ST6GALNAC3: variants seen among roughly 807,000 people sequenced by gnomAD.
ST6GALNAC3 encodes alpha-N-acetylgalactosaminide alpha-2,6-sialyltransferase 3.
In ST6GALNAC3, 25 loss-of-function variants were observed where a neutral mutation model predicts 32.7. That is an observed-to-expected ratio of 0.76 (90% CI 0.56 to 1.07). The LOEUF (loss-of-function observed/expected upper bound fraction) is 1.07, where lower values mean the gene tolerates loss of function less well. Among genes scored for constraint, ST6GALNAC3 ranks in the 50% least tolerant of loss-of-function variants. ST6GALNAC3 has a pLI of 0.00. For synonymous variants in ST6GALNAC3, 129 were observed against 133.1 expected (o/e 0.97, Z 0.21); for missense variants, 355 against 382.4 (o/e 0.93, Z 0.60).
intron 2 of ST6GALNAC3, among the ~76,000 whole-genome samples, chr1:76,405,909 G>T (rs958869881): frequency 1.3e-5 from 2 of 151,948 alleles, no homozygotes; most frequent in African/African-American, 4.8e-5. Flanking sequence ...TTATAAAAAT[G>T]CTAGAGACTT....
chr1:76,547,713 G>A (rs1261897199), intron 3 of ST6GALNAC3, among the ~76,000 whole-genome samples: 1 of 152,052 alleles, frequency 6.6e-6, no homozygotes, highest in African/African-American at 2.4e-5. Context: ...AAGTAGCTGG[G>A]TGCGGTGGCA....
chr1:76,618,180 T>A (rs977139407), intron 3 of ST6GALNAC3, among the ~76,000 whole-genome samples: 39 of 152,312 alleles, frequency 2.6e-4, no homozygotes, highest in Non-Finnish European at 4.6e-4. Context: ...TTAGAGAAAC[T>A]GTAGCCTGGG....
Position 76,360,877 on chromosome 1 carries a change from C to G in ST6GALNAC3, c.213+46878C>G, listed in dbSNP as rs1395029784. ...GTCTCAATTTCAAGGAAAATTTAAA[C>G]CTTTCCTTTCATGTATTCCTGTTCA... On this transcript the variant is annotated intron_variant, in intron 2 of 4. Coordinates refer to ENST00000328299, the MANE Select transcript of ST6GALNAC3 (RefSeq NM_152996.4). 4.6e-5 allele frequency among the ~76,000 whole-genome samples: 7 copies of G among 152,082 alleles called. No individual in the cohort carries two copies. In the East Asian group the frequency reaches 1.4e-3, roughly 29 times the overall value.
intron 1 of ST6GALNAC3, among the ~76,000 whole-genome samples, chr1:76,084,905 T>C (rs1373626672): frequency 6.6e-6 from 1 of 152,216 alleles, no homozygotes; most frequent in Non-Finnish European, 1.5e-5. Context: ...CAGATATTTA[T>C]TGTCTCACAA....
intron 1 of ST6GALNAC3, among the ~76,000 whole-genome samples, chr1:76,291,731 A>G (rs1660106920): frequency 6.7e-6 from 1 of 149,166 alleles, no homozygotes; most frequent in African/African-American, 2.4e-5. Flanking sequence ...GTTATTTAAT[A>G]TAACTTGTTT....
At chr1:76,457,715 C>T (rs535032231) in intron 3 of ST6GALNAC3, among the ~76,000 whole-genome samples, 155 of 152,244 alleles carry the variant, frequency 1.0e-3, no homozygotes, top group Non-Finnish European at 1.9e-3. Flanking sequence ...CTTCCTTACA[C>T]CTTATACAAA....
chr1:76,128,076 G>A (rs1441779549), intron 1 of ST6GALNAC3, among the ~76,000 whole-genome samples: 6 of 152,108 alleles, frequency 3.9e-5, no homozygotes, highest in African/African-American at 1.4e-4. Context: ...GTGGAGGATG[G>A]CAAAGAGTAT....
intron 1 of ST6GALNAC3, among the ~76,000 whole-genome samples, chr1:76,183,876 A>C (rs1384899406): frequency 7.0e-5 from 10 of 143,394 alleles, no homozygotes; most frequent in African/African-American, 2.5e-4. Context: ...ATATATATGT[A>C]TGTTACTGAA....
chr1:76,398,959 G>T (rs542021509), intron 2 of ST6GALNAC3, among the ~76,000 whole-genome samples: 61 of 152,066 alleles, frequency 4.0e-4, no homozygotes, highest in South Asian at 1.2e-3. Flanking sequence ...TTTTAAAATT[G>T]GCATTTTCTG....
At chr1:76,156,129 G>T (rs541924023) in intron 1 of ST6GALNAC3, among the ~76,000 whole-genome samples, 1 of 152,200 alleles carries the variant, frequency 6.6e-6, no homozygotes, top group South Asian at 2.1e-4. Flanking sequence ...TTAGACTGGG[G>T]TTATGGGTTT....
At chr1:76,310,900 A>C (rs1006810408) in intron 1 of ST6GALNAC3, among the ~76,000 whole-genome samples, 2 of 152,124 alleles carry the variant, frequency 1.3e-5, no homozygotes, top group Non-Finnish European at 2.9e-5. Context: ...TGAAAACTAG[A>C]AAGTCAAGGG....
At position 76,412,092 on chromosome 1, in the gene ST6GALNAC3, C is replaced by A; in HGVS notation, c.298C>A (p.Arg100=). Residue 100 remains arginine, a synonymous_variant, in exon 3 of 5, where the codon CGA becomes AGA. Coordinates refer to ENST00000328299, the MANE Select transcript of ST6GALNAC3 (RefSeq NM_152996.4). ...VGQKVGNEID[R]SSCIWRMNNA... is the part of the protein sequence containing the mutation. The stretch of plus-strand genomic sequence containing the variant: ...CCAGAAGGTGGGAAATGAGATAGAT[C>A]GATCCTCCTGCATTTGGAGAATGAA... The A allele has an allele frequency of 6.2e-7, 1 of 1,613,456 alleles. No homozygotes were observed. The highest frequency in any genetic ancestry group is 8.5e-7 in the Non-Finnish European group (1 of 1,179,696).
intron 3 of ST6GALNAC3, among the ~76,000 whole-genome samples, chr1:76,592,404 A>G (rs529402869): frequency 8.5e-5 from 13 of 152,316 alleles, no homozygotes; most frequent in African/African-American, 3.1e-4. Context: ...CCATTCATTG[A>G]GATGGGAATA....
intron 1 of ST6GALNAC3, among the ~76,000 whole-genome samples, chr1:76,150,518 T>A (rs1409655774): frequency 6.6e-6 from 1 of 152,252 alleles, no homozygotes; most frequent in South Asian, 2.1e-4. Flanking sequence ...TTGGAATTTC[T>A]TTGAAGTTTT....
At chr1:76,488,281 C>G (rs1342987383) in intron 3 of ST6GALNAC3, among the ~76,000 whole-genome samples, 1 of 152,090 alleles carries the variant, frequency 6.6e-6, no homozygotes, top group Non-Finnish European at 1.5e-5. Flanking sequence ...CACCCCCACT[C>G]TCTCTCATTT....
At chr1:76,254,302 T>C (rs1657793864) in intron 1 of ST6GALNAC3, among the ~76,000 whole-genome samples, 1 of 152,124 alleles carries the variant, frequency 6.6e-6, no homozygotes, top group Admixed American at 6.6e-5. Context: ...CTGGTGTGCT[T>C]AGCTGCAATT....
chr1:76,626,981 T>C (rs1357980629), intron 3 of ST6GALNAC3, among the ~76,000 whole-genome samples: 2 of 151,932 alleles, frequency 1.3e-5, no homozygotes, highest in Admixed American at 6.6e-5. Context: ...ATACACTGCA[T>C]GTAAGTTACA....
chr1:76,364,305 T>C lies in ST6GALNAC3; in HGVS notation c.214-47703T>C, dbSNP rs185610697. ...GGCTCATGCCTATAATCCCAGCACT[T>C]TGGGAGGCTGAGGTGGGTGGATCAC... On this transcript the variant is annotated intron_variant, in intron 2 of 4. Transcript: ENST00000328299. Among the ~76,000 whole-genome samples the C allele has an allele frequency of 1.5e-3, 228 of 152,218 alleles. 1 individual carries two copies. Among genetic ancestry groups the C allele is most frequent in the African/African-American group, 5.2e-3 (216 of 41,534 alleles).
At chr1:76,293,874 G>A (rs943057673) in intron 1 of ST6GALNAC3, among the ~76,000 whole-genome samples, 1 of 152,106 alleles carries the variant, frequency 6.6e-6, no homozygotes, top group African/African-American at 2.4e-5. Context: ...ATGTGTGTGA[G>A]GGAGGGGTAT....
Sources: allele counts gnomAD v4.1 joint callset (sites outside exome capture counted in the v4.1 genomes callset), GRCh38; gene constraint gnomAD v4.1.1; transcripts MANE v1.5; gene names NCBI Gene and HGNC (gene_info 2026-07-23, HGNC 2026-07-21).